DOCK4: variants seen among roughly 807,000 people sequenced by gnomAD.
DOCK4 encodes dedicator of cytokinesis 4.
A neutral mutation model predicts 268.1 loss-of-function variants in DOCK4; 97 were observed. That is an observed-to-expected ratio of 0.36 (90% CI 0.31 to 0.43). The LOEUF (loss-of-function observed/expected upper bound fraction) is 0.43, where lower values mean the gene tolerates loss of function less well. Ranked by LOEUF, DOCK4 falls within the 20% of genes least tolerant of loss-of-function variation. The probability of loss-of-function intolerance (pLI) is 1.00; values close to 1 mark genes in which losing one functional copy is unlikely to be tolerated. For missense variants in DOCK4, 2,145 were observed against 2,455.7 expected, an observed-to-expected ratio of 0.87 and a Z score of 2.67; for synonymous variants, 954 against 887.2, an observed-to-expected ratio of 1.08 and a Z score of -1.34.
At chr7:111,783,791 C>G in intron 34 of DOCK4, 66 bp downstream of exon 34, 1 of 1,356,360 alleles carries the variant, frequency 7.4e-7, no homozygotes. Flanking sequence ...TGATTGTATT[C>G]TATTTGATTT....
chr7:112,020,358 A>G (rs1261461413), intron 1 of DOCK4, among the ~76,000 whole-genome samples: 2 of 152,202 alleles, frequency 1.3e-5, no homozygotes, highest in African/African-American at 4.8e-5. Context: ...AAAAAAGTTC[A>G]CCTTCACACT....
At chr7:111,915,506 C>G (rs1365534278) in intron 13 of DOCK4, among the ~76,000 whole-genome samples, 2 of 152,076 alleles carry the variant, frequency 1.3e-5, no homozygotes, top group African/African-American at 4.8e-5. Flanking sequence ...ATGGCCCCCA[C>G]AAGTTAACAA....
At position 111,818,945 on chromosome 7, in the gene DOCK4, C is replaced by T. The variant is rs189617470; in HGVS notation, c.2930+3417G>A. Among the ~76,000 whole-genome samples the T allele has an allele frequency of 7.9e-5, 12 of 152,362 alleles. No homozygotes were observed. The East Asian group carries it at 1.4e-3, about 17-fold the overall frequency. ...TGTTCACTTCATAACACCCTCATAT[C>T]ACGGTGCTCTTTGTCTTTATAGTAC... is the stretch of plus-strand genomic sequence containing the variant. On this transcript the variant is annotated intron_variant, in intron 27 of 52. Coordinates refer to ENST00000428084, the MANE Select transcript of DOCK4 (RefSeq NM_001363540.2).
At position 111,760,181 on chromosome 7, in the gene DOCK4, A is replaced by G. The variant is rs1278543494; in HGVS notation, c.4162T>C (p.Tyr1388His). 6.2e-7 allele frequency: 1 copy of G among 1,613,928 alleles called. No homozygotes were observed. The highest frequency in any genetic ancestry group is 2.2e-5 in the East Asian group (1 of 44,874). Residue 1388 changes from tyrosine to histidine, a missense_variant and splice_region_variant, in exon 40 of 53, where the codon TAT becomes CAT. This residue lies in a region of DOCK4 where 1,598 missense variants were observed against 1,986.7 expected (regional missense o/e 0.80). Coordinates refer to ENST00000428084, the MANE Select transcript of DOCK4 (RefSeq NM_001363540.2). ...DETIFQAEAQ[Y>H]LQIYAVTPIP... ...GTCCAGCCCTTGTAGGTGCGGATACACTGAGCTTCTGCCTGGAAGATGGTC... is the reference window on the plus strand; with the variant it reads ...GTCCAGCCCTTGTAGGTGCGGATACGCTGAGCTTCTGCCTGGAAGATGGTC...
chr7:112,023,675 A>G (rs1468219605), intron 1 of DOCK4: 1 of 452,534 alleles, frequency 2.2e-6, no homozygotes, highest in South Asian at 1.6e-5. Context: ...AATACTAATG[A>G]AAGAGAAATA....
chr7:112,205,930 T>C (rs746365454), intron 1 of DOCK4, among the ~76,000 whole-genome samples, 172 bp downstream of exon 1: 31 of 152,080 alleles, frequency 2.0e-4, no homozygotes, highest in South Asian at 8.3e-4. Context: ...GGCGAGAGCC[T>C]GGTGCGCAGC....
rs35129606 is a variant in DOCK4, at chr7:111,924,445, C to T, written c.1067-8541G>A. Among the ~76,000 whole-genome samples the T allele has an allele frequency of 6.1e-3, 924 of 152,248 alleles. 6 individuals are homozygous for T. The highest frequency in any genetic ancestry group is 0.034 in the Middle Eastern group (10 of 294). On this transcript the variant is annotated intron_variant, in intron 12 of 52. Coordinates refer to ENST00000428084, the MANE Select transcript of DOCK4 (RefSeq NM_001363540.2). Reference sequence around the variant, plus strand: ...ACTGGAAGCTGATGGGAGAGGGAACCCCATCTTCTTGGCTACATGTATATG... The same window carrying T: ...ACTGGAAGCTGATGGGAGAGGGAACTCCATCTTCTTGGCTACATGTATATG...
intron 1 of DOCK4, among the ~76,000 whole-genome samples, chr7:112,191,941 C>T (rs1819987154): frequency 6.8e-6 from 1 of 147,758 alleles, no homozygotes; most frequent in African/African-American, 2.5e-5. Flanking sequence ...ACATTACATA[C>T]TATATATACT....
chr7:111,755,031 T>C (rs889742038), intron 42 of DOCK4, among the ~76,000 whole-genome samples: 3 of 152,232 alleles, frequency 2.0e-5, no homozygotes, highest in African/African-American at 7.2e-5. Flanking sequence ...GAATCAGAAA[T>C]ATCTGGGTTG....
intron 12 of DOCK4, among the ~76,000 whole-genome samples, chr7:111,927,686 T>A (rs1329450202): frequency 6.6e-6 from 1 of 152,206 alleles, no homozygotes; most frequent in East Asian, 1.9e-4. Context: ...TTGTATTTTA[T>A]TTCCACAATA....
At chr7:111,872,884 C>T (rs953247904) in intron 17 of DOCK4, among the ~76,000 whole-genome samples, 6 of 152,300 alleles carry the variant, frequency 3.9e-5, no homozygotes, top group Non-Finnish European at 5.9e-5. Flanking sequence ...ATCACAGTAG[C>T]ACTTACAAAT....
At chr7:111,875,636 G>C (rs1247448085) in intron 17 of DOCK4, among the ~76,000 whole-genome samples, 3 of 152,250 alleles carry the variant, frequency 2.0e-5, no homozygotes, top group South Asian at 4.1e-4. Flanking sequence ...CATAGTCAGA[G>C]AGATGTGAAG....
chr7:111,916,980 GTTTTTTTTTT>G (rs749349556), intron 12 of DOCK4, among the ~76,000 whole-genome samples: 56 of 83,970 alleles, frequency 6.7e-4, no homozygotes, highest in Non-Finnish European at 6.9e-4. Flanking sequence ...TTTCCCCCAT[GTTTTTTTTTT>G]TTTTTTTTTT....
chr7:111,902,677 T>C (rs180916418), intron 13 of DOCK4, among the ~76,000 whole-genome samples: 297 of 152,106 alleles, frequency 2.0e-3, no homozygotes, highest in African/African-American at 6.7e-3. Context: ...TAAAGGTAAA[T>C]GGTGAGATGG....
chr7:112,198,764 G>C (rs1434821236), intron 1 of DOCK4, among the ~76,000 whole-genome samples: 1 of 151,858 alleles, frequency 6.6e-6, no homozygotes, highest in Non-Finnish European at 1.5e-5. Flanking sequence ...CTTCTCTATA[G>C]GCTACACATT....
intron 13 of DOCK4, among the ~76,000 whole-genome samples, chr7:111,914,809 C>A (rs2134522365): frequency 6.6e-6 from 1 of 152,224 alleles, no homozygotes; most frequent in East Asian, 1.9e-4. Context: ...TATAATTTTC[C>A]TTATTACAAA....
At chr7:111,802,598 T>TTTCCGGAGC (rs1800384664) in intron 30 of DOCK4, among the ~76,000 whole-genome samples, 1 of 152,212 alleles carries the variant, frequency 6.6e-6, no homozygotes, top group Admixed American at 6.5e-5. Flanking sequence ...TATCTTGGTC[T>TTTCCGGAGC]TTAGTCTTTC....
At chr7:112,125,735 A>T (rs1361665846) in intron 1 of DOCK4, among the ~76,000 whole-genome samples, 1 of 152,212 alleles carries the variant, frequency 6.6e-6, no homozygotes, top group Non-Finnish European at 1.5e-5. Context: ...TGAGACAGGT[A>T]ATTCATACTT....
chr7:111,941,702 C>T (rs1795205933), intron 10 of DOCK4, among the ~76,000 whole-genome samples: 1 of 151,880 alleles, frequency 6.6e-6, no homozygotes, highest in Admixed American at 6.6e-5. Flanking sequence ...CTAGCTCCTA[C>T]AGTTTACACA....
Sources: allele counts gnomAD v4.1 joint callset (sites outside exome capture counted in the v4.1 genomes callset), GRCh38; gene constraint gnomAD v4.1.1; regional missense constraint gnomAD v4.1.1; transcripts MANE v1.5; gene names NCBI Gene and HGNC (gene_info 2026-07-23, HGNC 2026-07-21).